SFMBT2: variants seen among roughly 807,000 people sequenced by gnomAD.
The protein encoded by SFMBT2 is Scm like with four mbt domains 2, also known as scm-like with four MBT domains protein 2.
A neutral mutation model predicts 110.1 loss-of-function variants in SFMBT2; 38 were observed. The ratio of observed to expected loss-of-function variants is 0.35; its 90% CI spans 0.27 to 0.45. SFMBT2 has a LOEUF of 0.45. Among genes scored for constraint, SFMBT2 ranks in the 20% least tolerant of loss-of-function variants. The probability of loss-of-function intolerance (pLI) is 1.00; values close to 1 mark genes in which losing one functional copy is unlikely to be tolerated. For missense variants in SFMBT2, 1,011 were observed against 1,094.9 expected (o/e 0.92, Z 1.08); for synonymous variants, 425 against 425.4 (o/e 1.00, Z 0.01).
intron 4 of SFMBT2, among the ~76,000 whole-genome samples, chr10:7,317,641 C>CAAGAAAAAA (rs1843057405): frequency 1.1e-5 from 1 of 92,848 alleles, no homozygotes; most frequent in African/African-American, 4.6e-5. Context: ...AACTCCGTCT[C>CAAGAAAAAA]AAAAAAAAAA....
chr10:7,374,562 A>C (rs1252732599), intron 2 of SFMBT2, among the ~76,000 whole-genome samples: 1 of 152,190 alleles, frequency 6.6e-6, no homozygotes, highest in Admixed American at 6.5e-5. Flanking sequence ...CCCAATATAC[A>C]GGGTTCTACA....
intron 4 of SFMBT2, among the ~76,000 whole-genome samples, chr10:7,314,306 C>T (rs1842930135): frequency 6.6e-6 from 1 of 152,214 alleles, no homozygotes; most frequent in Admixed American, 6.5e-5. Context: ...CGCAAAATGA[C>T]TAAATCTGCT....
Position 7,238,053 on chromosome 10 carries a change from A to T in SFMBT2, c.1120+5505T>A, listed in dbSNP as rs531571065. ...GGAAGTCAGCACGGCTGGGTGCTGT[A>T]GGCTGTTGCCACAGTCTTGACTTGG... On this transcript the variant is annotated intron_variant, in intron 9 of 20. Coordinates refer to ENST00000397167, the MANE Select transcript of SFMBT2 (RefSeq NM_001387889.1). Among the ~76,000 whole-genome samples the T allele has an allele frequency of 5.3e-5, 8 of 152,306 alleles. No individual in the cohort carries two copies. In the South Asian group the frequency reaches 1.7e-3, roughly 32 times the overall value.
chr10:7,291,401 C>T (rs565160942), intron 4 of SFMBT2, among the ~76,000 whole-genome samples: 99 of 152,278 alleles, frequency 6.5e-4, no homozygotes, highest in African/African-American at 2.1e-3. Context: ...TCACAGTTTT[C>T]GTTTGCAATG....
intron 4 of SFMBT2, among the ~76,000 whole-genome samples, chr10:7,345,673 A>C (rs1844087772): frequency 6.6e-6 from 1 of 152,172 alleles, no homozygotes; most frequent in Non-Finnish European, 1.5e-5. Flanking sequence ...TCTTTTTTAC[A>C]TTCTTCATTC....
intron 1 of SFMBT2, among the ~76,000 whole-genome samples, chr10:7,382,278 C>T (rs921306113): frequency 6.6e-6 from 1 of 152,172 alleles, no homozygotes; most frequent in Admixed American, 6.5e-5. Context: ...GGAGTGGTGG[C>T]ATGCACCTGC....
At chr10:7,335,436 T>G (rs1588458852) in intron 4 of SFMBT2, among the ~76,000 whole-genome samples, 1 of 152,314 alleles carries the variant, frequency 6.6e-6, no homozygotes, top group East Asian at 1.9e-4. Context: ...CATTACTTGG[T>G]GACCCCAACT....
chr10:7,387,927 C>T (rs1414338804), intron 1 of SFMBT2, among the ~76,000 whole-genome samples: 1 of 143,360 alleles, frequency 7.0e-6, no homozygotes, highest in Non-Finnish European at 1.5e-5. Flanking sequence ...CCAGCCTGGA[C>T]GACAGAGCAA....
rs185302940 is a variant in SFMBT2 at position 7,365,156 on chromosome 10, G to A, written c.436+2493C>T. 9.9e-4 allele frequency among the ~76,000 whole-genome samples: 150 copies of A among 152,254 alleles called. 1 individual carries two copies. The highest frequency in any genetic ancestry group is 2.1e-4 in the South Asian group (1 of 4,826). The stretch of plus-strand genomic sequence containing the variant: ...TGTGCCTCCTGACCCTGCGATTTGC[G>A]TACACAGAGCTGGAGCGGGAACTAA... On this transcript the variant is annotated intron_variant, in intron 4 of 20. Coordinates refer to ENST00000397167, the MANE Select transcript of SFMBT2 (RefSeq NM_001387889.1).
intron 6 of SFMBT2, among the ~76,000 whole-genome samples, chr10:7,279,113 A>G (rs1410357665): frequency 6.6e-6 from 1 of 151,792 alleles, no homozygotes; most frequent in Non-Finnish European, 1.5e-5. Flanking sequence ...AAGAAAAAAA[A>G]AACTTAAGGC....
intron 4 of SFMBT2, among the ~76,000 whole-genome samples, chr10:7,296,262 T>A (rs1687069031): frequency 6.6e-6 from 1 of 152,206 alleles, no homozygotes; most frequent in African/African-American, 2.4e-5. Flanking sequence ...TTTTAAAGAA[T>A]TACCTTCCAA....
At chr10:7,410,636 C>A (rs1233569593) in intron 1 of SFMBT2, among the ~76,000 whole-genome samples, 2 of 152,178 alleles carry the variant, frequency 1.3e-5, no homozygotes, top group Non-Finnish European at 2.9e-5. Flanking sequence ...CAAGTGCAGT[C>A]GCTTTCTTCT....
At chr10:7,349,048 A>G (rs1341965027) in intron 4 of SFMBT2, among the ~76,000 whole-genome samples, 1 of 151,936 alleles carries the variant, frequency 6.6e-6, no homozygotes. Flanking sequence ...CACCTCTCTG[A>G]CTCCGCTTTC....
At chr10:7,358,354 C>T (rs1415481538) in intron 4 of SFMBT2, among the ~76,000 whole-genome samples, 2 of 151,978 alleles carry the variant, frequency 1.3e-5, no homozygotes, top group Non-Finnish European at 2.9e-5. Context: ...GTGACATCAA[C>T]ATGGCCCTAG....
chr10:7,309,766 C>T (rs1281112122), intron 4 of SFMBT2, among the ~76,000 whole-genome samples: 1 of 152,150 alleles, frequency 6.6e-6, no homozygotes, highest in Non-Finnish European at 1.5e-5. Flanking sequence ...TACGCATAGC[C>T]TCTTACATCC....
chr10:7,168,384 T>C (rs2462708), intron 20 of SFMBT2, among the ~76,000 whole-genome samples: 151,673 of 152,306 alleles, frequency 1, 75,523 homozygotes, highest in South Asian at 1. Context: ...CCTAACTAAA[T>C]TTTTTTTTAT....
intron 4 of SFMBT2, among the ~76,000 whole-genome samples, chr10:7,348,924 G>A (rs1425996810): frequency 1.3e-5 from 2 of 152,194 alleles, no homozygotes; most frequent in East Asian, 1.9e-4. Context: ...TAAGTTCCAT[G>A]TCTTGTCACC....
intron 6 of SFMBT2, 120 bp from the exon 7 acceptor site, chr10:7,277,109 G>A: frequency 3.0e-6 from 2 of 661,614 alleles, no homozygotes; most frequent in Non-Finnish European, 2.7e-6. Flanking sequence ...GACCGTGAGT[G>A]TTCACACCCC....
intron 4 of SFMBT2, among the ~76,000 whole-genome samples, chr10:7,356,290 G>T (rs1342156379): frequency 6.6e-6 from 1 of 152,176 alleles, no homozygotes; most frequent in Non-Finnish European, 1.5e-5. Flanking sequence ...CTGCTCATGT[G>T]TTCGTTTTTT....
Sources: allele counts gnomAD v4.1 joint callset (sites outside exome capture counted in the v4.1 genomes callset), GRCh38; gene constraint gnomAD v4.1.1; transcripts MANE v1.5; gene names NCBI Gene and HGNC (gene_info 2026-07-23, HGNC 2026-07-21).